FSHR: variants seen among roughly 807,000 people sequenced by gnomAD.
FSHR encodes follicle stimulating hormone receptor.
Under a neutral mutation model 52.1 loss-of-function variants are expected in FSHR, and 46 were observed. The observed-to-expected ratio is 0.88, with a 90% CI of 0.70 to 1.13. The LOEUF is 1.13. Ranked by LOEUF, FSHR falls within the 50% of genes most tolerant of loss-of-function variation. The pLI, the probability that FSHR is intolerant of heterozygous loss-of-function variation, is 0.00. For synonymous variants in FSHR, 399 were observed against 309.6 expected, an observed-to-expected ratio of 1.29 and a Z score of -3.03; for missense variants, 964 against 834.6, an observed-to-expected ratio of 1.16 and a Z score of -1.91.
chr2:49,145,380 A>T (rs940918352), intron 1 of FSHR, among the ~76,000 whole-genome samples: 7 of 152,104 alleles, frequency 4.6e-5, no homozygotes, highest in African/African-American at 1.7e-4. Flanking sequence ...TTCTTATAAA[A>T]TAAAACAAGG....
intron 9 of FSHR, 99 bp from the exon 10 acceptor site, chr2:48,964,065 G>A (rs1031731600): frequency 1.5e-6 from 2 of 1,306,392 alleles, no homozygotes; most frequent in East Asian, 2.3e-5. Context: ...GTTTCTTCCT[G>A]AGATTTTTTT....
rs77522167 is a variant in FSHR at position 49,145,160 on chromosome 2, G to A, written c.152+9106C>T. Among the ~76,000 whole-genome samples, 650 of 152,146 alleles carry A rather than the reference G, an allele frequency of 4.3e-3. 2 individuals are homozygous for A. Among genetic ancestry groups the A allele is most frequent in the South Asian group, 7.5e-3 (36 of 4,826 alleles). On this transcript the variant is annotated intron_variant, in intron 1 of 9. Transcript: ENST00000406846. ...GTAGTTTTGGAAAAACGGTGAAGTTGGCAAAGAAAACAATGCAGCCTACGT... is the reference window on the plus strand; with the variant it reads ...GTAGTTTTGGAAAAACGGTGAAGTTAGCAAAGAAAACAATGCAGCCTACGT...
In FSHR at chr2:49,036,497, G is replaced by GTATATCTATATC. The variant is rs67442791; in HGVS notation, c.225-16349_225-16338dup. On this transcript the variant is annotated intron_variant, in intron 2 of 9. Coordinates refer to ENST00000406846, the MANE Select transcript of FSHR (RefSeq NM_000145.4). ...TACCTATTTCTCTATATTTGCATCTGTATATCTATATCTATATCTATATCT... is the reference window on the plus strand; with the variant it reads ...TACCTATTTCTCTATATTTGCATCTGTATATCTATATCTATATCTATATCTATATCTATATCT... Among the ~76,000 whole-genome samples, 125 of 150,840 alleles carry GTATATCTATATC rather than the reference G, an allele frequency of 8.3e-4. 2 individuals carry two copies. The East Asian group carries it at 0.019, about 23-fold the overall frequency.
At chr2:49,133,995 A>T (rs916252021) in intron 1 of FSHR, among the ~76,000 whole-genome samples, 1 of 152,130 alleles carries the variant, frequency 6.6e-6, no homozygotes, top group Admixed American at 6.6e-5. Flanking sequence ...TACCATTAAG[A>T]CCACAGGCAT....
At chr2:48,972,471 A>G (rs1414412346) in intron 8 of FSHR, among the ~76,000 whole-genome samples, 4 of 152,150 alleles carry the variant, frequency 2.6e-5, no homozygotes, top group African/African-American at 9.6e-5. Flanking sequence ...CCTTCTCTCC[A>G]TTTATACTTC....
chr2:49,021,831 TTCTCTCTCTCTCTCTC>T (rs1553334822), intron 2 of FSHR, among the ~76,000 whole-genome samples: 1 of 46,538 alleles, frequency 2.1e-5, no homozygotes, highest in Non-Finnish European at 3.9e-5. Context: ...GGGTATGTGT[TTCTCTCTCTCTCTCTC>T]TCTCTCTCTC....
At chr2:49,007,602 A>G (rs1667115931) in intron 4 of FSHR, among the ~76,000 whole-genome samples, 1 of 152,076 alleles carries the variant, frequency 6.6e-6, no homozygotes, top group Admixed American at 6.6e-5. Flanking sequence ...TTCTGTAAGA[A>G]GGCTCCTTTT....
At chr2:48,991,018 A>G (rs1291876818) in intron 4 of FSHR, among the ~76,000 whole-genome samples, 27 of 152,126 alleles carry the variant, frequency 1.8e-4, no homozygotes, top group Non-Finnish European at 2.9e-5. Flanking sequence ...TCTCCACTCC[A>G]AGCGATTCTC....
chr2:49,151,141 C>CTTT (rs200436300), intron 1 of FSHR, among the ~76,000 whole-genome samples: 4,537 of 114,926 alleles, frequency 0.039, 319 homozygotes, highest in African/African-American at 0.14. Context: ...AAGGATTACT[C>CTTT]TTTTTTTTTT....
chr2:49,053,751 T>C (rs72877873), intron 2 of FSHR, among the ~76,000 whole-genome samples: 4,071 of 152,304 alleles, frequency 0.027, 171 homozygotes, highest in African/African-American at 0.094. Flanking sequence ...GAGGCTGGGT[T>C]AAACTGGGAT....
At position 49,129,047 on chromosome 2, in the gene FSHR, GTTT is replaced by G. The variant is rs61220657; in HGVS notation, c.152+25216_152+25218del. Among the ~76,000 whole-genome samples, 933 of 143,664 alleles carry G rather than the reference GTTT, an allele frequency of 6.5e-3. 14 individuals are homozygous for G. Among genetic ancestry groups the G allele is most frequent in the Middle Eastern group, 0.026 (7 of 270 alleles). 94.2% of individuals were successfully genotyped at this position (143,664 alleles called of 152,430 possible). ...ATCCAGATTGTTTATCTGTTTTCTTGTTTTTTTTTTTTTCAGTTATATGTTTCA... is the reference window on the plus strand; with the variant it reads ...ATCCAGATTGTTTATCTGTTTTCTTGTTTTTTTTTTCAGTTATATGTTTCA... On this transcript the variant is annotated intron_variant, in intron 1 of 9. Coordinates refer to ENST00000406846, the MANE Select transcript of FSHR (RefSeq NM_000145.4).
At chr2:49,079,267 T>C (rs542687586) in intron 1 of FSHR, among the ~76,000 whole-genome samples, 79 of 151,894 alleles carry the variant, frequency 5.2e-4, no homozygotes, top group African/African-American at 1.8e-3. Context: ...CATTTATAAG[T>C]GGTAAGTTTC....
At chr2:49,137,382 A>G (rs1247895422) in intron 1 of FSHR, among the ~76,000 whole-genome samples, 1 of 152,140 alleles carries the variant, frequency 6.6e-6, no homozygotes, top group Non-Finnish European at 1.5e-5. Context: ...TTCATAGGTC[A>G]GAAGACTTAA....
intron 1 of FSHR, among the ~76,000 whole-genome samples, 155 bp downstream of exon 1, chr2:49,154,111 G>T (rs1673160126): frequency 6.6e-6 from 1 of 152,184 alleles, no homozygotes; most frequent in Non-Finnish European, 1.5e-5. Context: ...ACAGGCAGGA[G>T]GGTTGGGCTG....
intron 2 of FSHR, among the ~76,000 whole-genome samples, chr2:49,027,986 A>G (rs1226882610): frequency 6.6e-6 from 1 of 152,170 alleles, no homozygotes; most frequent in Non-Finnish European, 1.5e-5. Context: ...TAGTGATGAA[A>G]GACAAGGAGT....
intron 1 of FSHR, among the ~76,000 whole-genome samples, chr2:49,124,247 G>A (rs1827614): frequency 0.25 from 37,056 of 150,736 alleles, 4,895 homozygotes; most frequent in East Asian, 0.47. Flanking sequence ...CACCCACCTC[G>A]GCCTCTCAAA....
intron 1 of FSHR, among the ~76,000 whole-genome samples, chr2:49,124,159 A>ATT (rs5831025): frequency 7.1e-6 from 1 of 140,922 alleles, no homozygotes; most frequent in Non-Finnish European, 1.5e-5. Flanking sequence ...CGTCCGGCTA[A>ATT]TTTTTTTTTT....
intron 1 of FSHR, among the ~76,000 whole-genome samples, chr2:49,089,246 A>G (rs1158992637): frequency 6.6e-6 from 1 of 152,192 alleles, no homozygotes; most frequent in Admixed American, 6.5e-5. Flanking sequence ...GAAAAATTTA[A>G]TTTCCTCTGT....
At chr2:49,077,021 A>G (rs970436225) in intron 1 of FSHR, among the ~76,000 whole-genome samples, 1 of 151,906 alleles carries the variant, frequency 6.6e-6, no homozygotes, top group Non-Finnish European at 1.5e-5. Context: ...CGGTGGATCT[A>G]CCATTCTGGG....
Sources: gnomAD v4.1 joint callset for allele counts (sites outside exome capture counted in the v4.1 genomes callset) on GRCh38, gnomAD v4.1.1 for gene constraint, MANE v1.5 for transcripts, NCBI Gene and HGNC (gene_info 2026-07-23, HGNC 2026-07-21) for gene names.